The following NMNAT2 variants were observed in gnomAD, a reference collection of about 807,000 sequenced individuals.
NMNAT2 encodes the protein nicotinamide/nicotinic acid mononucleotide adenylyltransferase 2.
NMNAT2 carries 11 observed loss-of-function variants against 41.6 expected under a neutral mutation model. That is an observed-to-expected ratio of 0.26 (90% confidence interval 0.17 to 0.44). The LOEUF (loss-of-function observed/expected upper bound fraction) is 0.44, where lower values mean the gene tolerates loss of function less well. NMNAT2 is among the 20% of genes least tolerant of loss of function. The pLI, the probability that NMNAT2 is intolerant of heterozygous loss-of-function variation, is 1.00. For synonymous variants in NMNAT2, 148 were observed against 151.2 expected, an observed-to-expected ratio of 0.98 and a Z score of 0.16; for missense variants, 288 against 407.7, an observed-to-expected ratio of 0.71 and a Z score of 2.53.
chr1:183,360,454 T>C (rs1438782637), intron 1 of NMNAT2, among the ~76,000 whole-genome samples: 2 of 151,886 alleles, frequency 1.3e-5, no homozygotes, highest in Non-Finnish European at 2.9e-5. Context: ...CCAACAATAA[T>C]TGAAATTTTC....
intron 2 of NMNAT2, among the ~76,000 whole-genome samples, chr1:183,293,140 C>G (rs1346187797): frequency 1.3e-5 from 2 of 152,186 alleles, no homozygotes; most frequent in Non-Finnish European, 2.9e-5. Flanking sequence ...AGAGATGAGA[C>G]TTAACTCAGC....
At chr1:183,391,353 G>A (rs982612055) in intron 1 of NMNAT2, among the ~76,000 whole-genome samples, 25 of 152,036 alleles carry the variant, frequency 1.6e-4, no homozygotes, top group African/African-American at 6.0e-4. Context: ...ATGAATTGTT[G>A]GTGCTTCTAG....
intron 1 of NMNAT2, among the ~76,000 whole-genome samples, chr1:183,362,314 A>G (rs1663322967): frequency 6.6e-6 from 1 of 152,148 alleles, no homozygotes; most frequent in African/African-American, 2.4e-5. Context: ...CAATTCAGTG[A>G]TTTTTAGTGT....
At chr1:183,364,622 G>A (rs941772010) in intron 1 of NMNAT2, among the ~76,000 whole-genome samples, 1 of 128,912 alleles carries the variant, frequency 7.8e-6, no homozygotes, top group Non-Finnish European at 1.8e-5. Flanking sequence ...ATAAGTAGAA[G>A]CTGCAGGGAT....
At chr1:183,272,738 C>A (rs923816703) in intron 8 of NMNAT2, among the ~76,000 whole-genome samples, 1 of 152,220 alleles carries the variant, frequency 6.6e-6, no homozygotes, top group African/African-American at 2.4e-5. Flanking sequence ...CGGTCTCAGC[C>A]GGTTCCAGCC....
chr1:183,326,404 CAG>C (rs1353968828), intron 1 of NMNAT2, among the ~76,000 whole-genome samples: 1 of 121,470 alleles, frequency 8.2e-6, no homozygotes, highest in Non-Finnish European at 1.7e-5. Flanking sequence ...AAAAAAAAGA[CAG>C]GGGAAGAGAA....
In NMNAT2 at chr1:183,258,634, T is replaced by C. The variant is rs111261507; in HGVS notation, c.821+2368A>G. On this transcript the variant is annotated intron_variant, in intron 10 of 10. Coordinates refer to ENST00000287713, the MANE Select transcript of NMNAT2 (RefSeq NM_015039.4). ...CTAACATTAGCCACAAGGTTAGAAA[T>C]TACGGTTTAGGAGTCATGCAGCTGA... Among the ~76,000 whole-genome samples, 1,068 of 152,282 alleles carry C rather than the reference T, an allele frequency of 7.0e-3. 13 individuals carry two copies. The highest frequency in any genetic ancestry group is 0.025 in the African/African-American group (1,025 of 41,544).
chr1:183,279,547 C>A (rs1182962017), intron 7 of NMNAT2, among the ~76,000 whole-genome samples: 1 of 152,180 alleles, frequency 6.6e-6, no homozygotes, highest in Admixed American at 6.5e-5. Context: ...CAGCACAGGC[C>A]CTGGGGCCCT....
At chr1:183,314,738 A>C (rs1450600562) in intron 1 of NMNAT2, among the ~76,000 whole-genome samples, 1 of 152,200 alleles carries the variant, frequency 6.6e-6, no homozygotes, top group Non-Finnish European at 1.5e-5. Context: ...AATTCACTGG[A>C]CATGGTGGCT....
intron 10 of NMNAT2, among the ~76,000 whole-genome samples, chr1:183,255,298 A>T (rs1249455702): frequency 6.6e-6 from 1 of 152,192 alleles, no homozygotes; most frequent in African/African-American, 2.4e-5. Flanking sequence ...TGCCAGTACC[A>T]TACTGTTTTG....
At chr1:183,341,104 C>T (rs1025424042) in intron 1 of NMNAT2, among the ~76,000 whole-genome samples, 16 of 152,304 alleles carry the variant, frequency 1.1e-4, no homozygotes, top group African/African-American at 2.9e-4. Context: ...GAACCCAGGT[C>T]GGCTAAGCCC....
intron 8 of NMNAT2, among the ~76,000 whole-genome samples, chr1:183,268,799 T>A (rs1049835862): frequency 6.6e-6 from 1 of 152,196 alleles, no homozygotes; most frequent in South Asian, 2.1e-4. Flanking sequence ...CCCAGCACTT[T>A]AAGAGGCCAA....
At position 183,296,617 on chromosome 1, in the gene NMNAT2, A is replaced by T. The variant is rs578072857; in HGVS notation, c.86-2824T>A. Among the ~76,000 whole-genome samples, 3 of 151,834 alleles carry T rather than the reference A, an allele frequency of 2.0e-5. No individual in the cohort carries two copies. The South Asian group carries it at 6.3e-4, about 32-fold the overall frequency. ...AACCTCCGCCTCCTGGGTTCAAGTG[A>T]TTCTTGTGCCTCAGCCTCATAGGTA... On this transcript the variant is annotated intron_variant, in intron 1 of 10. Coordinates refer to ENST00000287713, the MANE Select transcript of NMNAT2 (RefSeq NM_015039.4).
intron 1 of NMNAT2, among the ~76,000 whole-genome samples, chr1:183,307,579 A>G (rs928386203): frequency 2.6e-5 from 4 of 152,076 alleles, no homozygotes; most frequent in African/African-American, 9.7e-5. Flanking sequence ...AGTAGCTGGA[A>G]TTACAGGCTC....
intron 1 of NMNAT2, among the ~76,000 whole-genome samples, chr1:183,403,394 C>A (rs146794276): frequency 6.6e-5 from 10 of 152,054 alleles, no homozygotes; most frequent in African/African-American, 2.4e-4. Flanking sequence ...GTGTAAATTA[C>A]TGTGGGTTCT....
At chr1:183,297,804 C>T (rs1372134708) in intron 1 of NMNAT2, among the ~76,000 whole-genome samples, 2 of 152,140 alleles carry the variant, frequency 1.3e-5, no homozygotes, top group Non-Finnish European at 2.9e-5. Flanking sequence ...ACTCAAAAAT[C>T]CTTAACAAAT....
intron 8 of NMNAT2, among the ~76,000 whole-genome samples, chr1:183,263,505 T>C (rs1276515512): frequency 2.6e-5 from 4 of 152,200 alleles, no homozygotes; most frequent in Admixed American, 2.0e-4. Context: ...AAAGCCCCGC[T>C]CACACCTAAG....
intron 1 of NMNAT2, among the ~76,000 whole-genome samples, chr1:183,372,056 T>C (rs1663556006): frequency 6.6e-6 from 1 of 152,140 alleles, no homozygotes; most frequent in Non-Finnish European, 1.5e-5. Flanking sequence ...GCTAGGATTA[T>C]AGGCACAAGC....
At chr1:183,313,361 C>G (rs1662170512) in intron 1 of NMNAT2, among the ~76,000 whole-genome samples, 1 of 152,186 alleles carries the variant, frequency 6.6e-6, no homozygotes, top group Non-Finnish European at 1.5e-5. Context: ...ACCAGCTGGA[C>G]TTTCTTTCCT....
Sources: allele counts gnomAD v4.1 joint callset (sites outside exome capture counted in the v4.1 genomes callset), GRCh38; gene constraint gnomAD v4.1.1; transcripts MANE v1.5; gene names NCBI Gene and HGNC (gene_info 2026-07-23, HGNC 2026-07-21).